EPHA3: variants seen among roughly 807,000 people sequenced by gnomAD.
EPHA3 encodes the protein ephrin type-A receptor 3.
Under a neutral mutation model 107.1 loss-of-function variants are expected in EPHA3, and 42 were observed. The observed-to-expected ratio is 0.39, with a 90% CI of 0.31 to 0.51. The LOEUF (loss-of-function observed/expected upper bound fraction) is 0.51. Among genes scored for constraint, EPHA3 ranks in the 20% least tolerant of loss-of-function variants. The pLI, the probability that EPHA3 is intolerant of heterozygous loss-of-function variation, is 0.78. For synonymous variants in EPHA3, 461 were observed against 424.8 expected (o/e 1.09, Z -1.05); for missense variants, 1,183 against 1,211.2 (o/e 0.98, Z 0.35).
At chr3:89,445,036 T>G (rs1367105221) in intron 13 of EPHA3, among the ~76,000 whole-genome samples, 18 of 151,908 alleles carry the variant, frequency 1.2e-4, no homozygotes. Flanking sequence ...TAGGTGGAGG[T>G]GGGAAAATGA....
chr3:89,476,855 G>A (rs996383455), intron 16 of EPHA3, among the ~76,000 whole-genome samples: 31 of 151,746 alleles, frequency 2.0e-4, no homozygotes, highest in African/African-American at 4.4e-4. Context: ...TGATTCACCC[G>A]CCTCGGCCTC....
chr3:89,267,034 C>T (rs1223295658), intron 3 of EPHA3, among the ~76,000 whole-genome samples: 1 of 151,922 alleles, frequency 6.6e-6, no homozygotes, highest in African/African-American at 2.4e-5. Flanking sequence ...TCATATTATG[C>T]TTGGATGCAT....
intron 3 of EPHA3, among the ~76,000 whole-genome samples, chr3:89,290,220 A>G (rs1397605133): frequency 1.3e-5 from 2 of 152,104 alleles, no homozygotes; most frequent in Admixed American, 6.6e-5. Flanking sequence ...AGCAAAAATT[A>G]TATGTTCCTT....
rs1208207957 is a variant in EPHA3 at position 89,481,444 on chromosome 3, A to T, written c.*1942A>T. ...TAGAAAACATTTTTTTTTTAAATCAAGTATTTTGTGTTTGGAATGTTAGAA... is the reference window on the plus strand; with the variant it reads ...TAGAAAACATTTTTTTTTTAAATCATGTATTTTGTGTTTGGAATGTTAGAA... On this transcript the variant is annotated 3_prime_UTR_variant, in exon 17 of 17. Transcript: ENST00000336596. The T allele has an allele frequency of 8.6e-6, 2 of 232,106 alleles. No homozygotes were observed. Among genetic ancestry groups the T allele is most frequent in the Non-Finnish European group, 1.7e-5 (2 of 117,476 alleles). The allele number at this position is 232,106 out of a possible 1,614,324, so 14.4% of individuals were successfully genotyped here. A position where few individuals can be genotyped will look rare whatever the true frequency, so the allele number is the denominator to read the frequency against.
At chr3:89,107,939 T>C in intron 1 of EPHA3, 103 bp downstream of exon 1, 3 of 1,090,278 alleles carry the variant, frequency 2.8e-6, no homozygotes, top group Non-Finnish European at 2.7e-6. Flanking sequence ...TGCCTCCGAA[T>C]AGAGCAGTTT....
At chr3:89,340,576 AGG>A (rs1023792325) in intron 3 of EPHA3, among the ~76,000 whole-genome samples, 1 of 152,224 alleles carries the variant, frequency 6.6e-6, no homozygotes, top group African/African-American at 2.4e-5. Flanking sequence ...TGTTTTAAAA[AGG>A]GAATTACTAC....
At chr3:89,421,074 C>T (rs141617601) in intron 11 of EPHA3, among the ~76,000 whole-genome samples, 1 of 151,550 alleles carries the variant, frequency 6.6e-6, no homozygotes, top group African/African-American at 2.4e-5. Context: ...TGAACCCAAA[C>T]AGGTTTCTAC....
At chr3:89,282,384 C>T (rs7611599) in intron 3 of EPHA3, among the ~76,000 whole-genome samples, 41,194 of 151,922 alleles carry the variant, frequency 0.27, 7,047 homozygotes, top group African/African-American at 0.49. Context: ...TAGAATTTAT[C>T]ATACTTGTTG....
At chr3:89,123,133 T>A (rs557627389) in intron 1 of EPHA3, among the ~76,000 whole-genome samples, 12 of 152,154 alleles carry the variant, frequency 7.9e-5, no homozygotes, top group Non-Finnish European at 1.8e-4. Context: ...TTCCTCCTTT[T>A]TTTGTTTGTT....
chr3:89,139,192 G>C (rs1704375858), intron 2 of EPHA3, among the ~76,000 whole-genome samples: 1 of 151,852 alleles, frequency 6.6e-6, no homozygotes, highest in South Asian at 2.1e-4. Context: ...AGAAAGGAGA[G>C]ATGCAATGCA....
At chr3:89,252,062 A>C (rs1193930392) in intron 3 of EPHA3, among the ~76,000 whole-genome samples, 3 of 152,206 alleles carry the variant, frequency 2.0e-5, no homozygotes, top group Admixed American at 2.0e-4. Flanking sequence ...TCTTCTACTC[A>C]GGAATAATAA....
At chr3:89,294,241 T>C (rs946243805) in intron 3 of EPHA3, among the ~76,000 whole-genome samples, 2 of 152,168 alleles carry the variant, frequency 1.3e-5, no homozygotes, top group Non-Finnish European at 2.9e-5. Flanking sequence ...AGTACGAGTC[T>C]TAGTTCATTT....
At chr3:89,442,904 A>C (rs369462582) in intron 13 of EPHA3, among the ~76,000 whole-genome samples, 1 of 152,208 alleles carries the variant, frequency 6.6e-6, no homozygotes, top group African/African-American at 2.4e-5. Context: ...TCAATTAAAC[A>C]CTTAAATTAC....
At chr3:89,288,776 G>A (rs759790758) in intron 3 of EPHA3, among the ~76,000 whole-genome samples, 4 of 152,106 alleles carry the variant, frequency 2.6e-5, no homozygotes, top group Non-Finnish European at 5.9e-5. Context: ...ACAAGAAAAG[G>A]AGGCATTGTG....
At chr3:89,310,454 A>C (rs1201733721) in intron 3 of EPHA3, among the ~76,000 whole-genome samples, 1 of 151,964 alleles carries the variant, frequency 6.6e-6, no homozygotes, top group Non-Finnish European at 1.5e-5. Context: ...ACTGAAAAGC[A>C]CTTTGATTTA....
At chr3:89,130,799 T>C (rs1704192501) in intron 2 of EPHA3, among the ~76,000 whole-genome samples, 1 of 151,954 alleles carries the variant, frequency 6.6e-6, no homozygotes, top group Non-Finnish European at 1.5e-5. Context: ...CACGCTCAGC[T>C]AATTTTTTTG....
chr3:89,430,117 T>G (rs1559693436), intron 12 of EPHA3, among the ~76,000 whole-genome samples: 1 of 152,154 alleles, frequency 6.6e-6, no homozygotes, highest in Non-Finnish European at 1.5e-5. Context: ...TAAATTTACA[T>G]CTATTTCAAC....
chr3:89,139,630 G>A (rs1704385666), intron 2 of EPHA3, among the ~76,000 whole-genome samples: 1 of 151,850 alleles, frequency 6.6e-6, no homozygotes, highest in East Asian at 1.9e-4. Flanking sequence ...ATATTTGAAT[G>A]AGTAATCAAA....
chr3:89,371,379 C>G (rs535442134), intron 5 of EPHA3, among the ~76,000 whole-genome samples: 13 of 151,572 alleles, frequency 8.6e-5, no homozygotes, highest in South Asian at 4.1e-4. Context: ...TAACTATCGT[C>G]GACATTTTGG....
Sources: gnomAD v4.1 joint callset for allele counts (sites outside exome capture counted in the v4.1 genomes callset) on GRCh38, gnomAD v4.1.1 for gene constraint, MANE v1.5 for transcripts, NCBI Gene and HGNC (gene_info 2026-07-23, HGNC 2026-07-21) for gene names.